STPG4: variants seen among roughly 807,000 people sequenced by gnomAD.
The protein encoded by STPG4 is sperm-tail PG-rich repeat containing 4, also known as protein STPG4.
Under a neutral mutation model 31.5 loss-of-function variants are expected in STPG4, and 41 were observed. The observed-to-expected ratio is 1.30, with a 90% CI of 1.01 to 1.69. The LOEUF (loss-of-function observed/expected upper bound fraction) is 1.69, where lower values mean the gene tolerates loss of function less well. Among genes scored for constraint, STPG4 ranks in the 40% most tolerant of loss-of-function variants. The pLI, the probability that STPG4 is intolerant of heterozygous loss-of-function variation, is 0.00. For synonymous variants in STPG4, 141 were observed against 103.0 expected (o/e 1.37, Z -2.24); for missense variants, 375 against 293.4 (o/e 1.28, Z -2.03).
intron 5 of STPG4, among the ~76,000 whole-genome samples, chr2:47,115,347 T>A (rs752352005): frequency 6.6e-6 from 1 of 152,188 alleles, no homozygotes; most frequent in Admixed American, 6.5e-5. Flanking sequence ...CTGGGTCCCA[T>A]GCCTTCCTCT....
At chr2:47,155,031 G>A (rs961514256) in intron 1 of STPG4, 140 bp downstream of exon 1, 14 of 703,702 alleles carry the variant, frequency 2.0e-5, no homozygotes, top group Non-Finnish European at 2.7e-5. Context: ...AGGTGGAGAC[G>A]TGCGTGAGGG....
intron 5 of STPG4, among the ~76,000 whole-genome samples, chr2:47,115,716 G>A (rs1419226667): frequency 2.8e-5 from 4 of 141,100 alleles, no homozygotes; most frequent in Admixed American, 8.0e-5. Context: ...GCAATGACGC[G>A]ATCTCGGCTC....
At chr2:47,129,596 G>A (rs368043331) in intron 5 of STPG4, 15 of 226,394 alleles carry the variant, frequency 6.6e-5, no homozygotes, top group East Asian at 3.3e-4. Flanking sequence ...CCCCCGTCAC[G>A]GCATTCCCTC....
intron 3 of STPG4, among the ~76,000 whole-genome samples, chr2:47,135,560 T>C (rs1398837202): frequency 6.6e-6 from 1 of 152,072 alleles, no homozygotes; most frequent in Non-Finnish European, 1.5e-5. Context: ...CTAATTTTTA[T>C]ATTTTCAGTA....
At chr2:47,112,310 G>T (rs1389568075) in intron 5 of STPG4, among the ~76,000 whole-genome samples, 1 of 151,928 alleles carries the variant, frequency 6.6e-6, no homozygotes, top group Non-Finnish European at 1.5e-5. Context: ...GGGATTACAG[G>T]TGTGCACCAC....
chr2:47,090,207 A>G (rs1408140214), intron 6 of STPG4, 63 bp downstream of exon 6: 2 of 1,185,068 alleles, frequency 1.7e-6, no homozygotes, highest in Non-Finnish European at 2.5e-6. Flanking sequence ...ATAGAAACAG[A>G]AAACCTACCA....
At chr2:47,094,330 T>C (rs1344674016) in intron 5 of STPG4, among the ~76,000 whole-genome samples, 3 of 152,202 alleles carry the variant, frequency 2.0e-5, no homozygotes, top group Non-Finnish European at 4.4e-5. Context: ...GTCACCTTCC[T>C]GGAGTCCTAG....
At chr2:47,151,909 T>TTGTTG (rs1686944969) in intron 2 of STPG4, among the ~76,000 whole-genome samples, 1 of 51,790 alleles carries the variant, frequency 1.9e-5, no homozygotes, top group South Asian at 1.0e-3. Context: ...CCCGGCTAGT[T>TTGTTG]TTTTGTTTTG....
intron 3 of STPG4, among the ~76,000 whole-genome samples, chr2:47,135,977 C>T (rs1181561146): frequency 5.3e-5 from 8 of 152,128 alleles, no homozygotes; most frequent in African/African-American, 1.7e-4. Flanking sequence ...AGGTTTTTGC[C>T]TTTCCATATA....
chr2:47,125,257 C>CA (rs957692193), intron 5 of STPG4, among the ~76,000 whole-genome samples: 21 of 151,992 alleles, frequency 1.4e-4, no homozygotes, highest in Admixed American at 9.8e-4. Context: ...CCCATTTCTA[C>CA]AAAAAAATAC....
rs573123923 is a variant in STPG4 at position 47,103,691 on chromosome 2, A to C, written c.520-13317T>G. Among the ~76,000 whole-genome samples the C allele has an allele frequency of 1.4e-3, 216 of 152,074 alleles. 3 individuals are homozygous for C. The highest frequency in any genetic ancestry group is 5.0e-3 in the African/African-American group (206 of 41,366). On this transcript the variant is annotated intron_variant, in intron 5 of 6. Transcript: ENST00000445927. ...TCGTCCATGTCCACTATGCCGAGGC[A>C]ATCACTGGAAGGTGCACTGCCCAGA...
intron 5 of STPG4, among the ~76,000 whole-genome samples, chr2:47,125,531 G>A (rs757073414): frequency 4.6e-5 from 7 of 152,134 alleles, no homozygotes; most frequent in East Asian, 1.9e-4. Flanking sequence ...TATGTGGGTC[G>A]TCTCTTCACT....
intron 3 of STPG4, among the ~76,000 whole-genome samples, chr2:47,144,728 T>A (rs999901262): frequency 6.7e-6 from 1 of 149,446 alleles, no homozygotes; most frequent in Non-Finnish European, 1.5e-5. Flanking sequence ...AACAAAAGAG[T>A]TTTTTTGTTT....
intron 3 of STPG4, among the ~76,000 whole-genome samples, chr2:47,134,185 A>G (rs1248069480): frequency 2.6e-5 from 4 of 152,196 alleles, no homozygotes; most frequent in African/African-American, 9.7e-5. Flanking sequence ...CTAAAAAGGT[A>G]CAGACGAACC....
intron 1 of STPG4, 43 bp downstream of exon 1, chr2:47,155,128 G>A (rs1314366825): frequency 2.5e-6 from 4 of 1,579,324 alleles, no homozygotes; most frequent in South Asian, 1.1e-5. Context: ...TGGGCCTGGT[G>A]AGGGGAGCAG....
intron 3 of STPG4, among the ~76,000 whole-genome samples, chr2:47,135,548 G>C (rs1409364516): frequency 6.6e-6 from 1 of 151,938 alleles, no homozygotes; most frequent in Non-Finnish European, 1.5e-5. Flanking sequence ...CACCACGTCT[G>C]GCTAATTTTT....
intron 3 of STPG4, among the ~76,000 whole-genome samples, chr2:47,148,545 T>C (rs1686872283): frequency 6.6e-6 from 1 of 152,156 alleles, no homozygotes; most frequent in Non-Finnish European, 1.5e-5. Flanking sequence ...ATTTATATTA[T>C]TATACTTTAA....
intron 5 of STPG4, among the ~76,000 whole-genome samples, chr2:47,102,190 G>A (rs914018672): frequency 1.4e-4 from 19 of 138,322 alleles, no homozygotes; most frequent in African/African-American, 2.3e-4. Flanking sequence ...CTGCTGCTGC[G>A]TCAGTGAGCG....
At chr2:47,120,239 G>A (rs1335516254) in intron 5 of STPG4, among the ~76,000 whole-genome samples, 6 of 152,214 alleles carry the variant, frequency 3.9e-5, no homozygotes, top group African/African-American at 1.4e-4. Flanking sequence ...GCTGAGGCAG[G>A]AGAATCACTT....
Sources: gnomAD v4.1 joint callset for allele counts (sites outside exome capture counted in the v4.1 genomes callset) on GRCh38, gnomAD v4.1.1 for gene constraint, MANE v1.5 for transcripts, NCBI Gene and HGNC (gene_info 2026-07-23, HGNC 2026-07-21) for gene names.